The following JARID2 variants were observed in gnomAD, a reference collection of about 807,000 sequenced individuals.
JARID2 encodes the protein protein Jumonji.
In JARID2, 21 loss-of-function variants were observed where a neutral mutation model predicts 125.6. That is an observed-to-expected ratio of 0.17 (90% CI 0.12 to 0.24). JARID2 has a LOEUF of 0.24. Among genes scored for constraint, JARID2 ranks in the 10% least tolerant of loss-of-function variants. The pLI, the probability that JARID2 is intolerant of heterozygous loss-of-function variation, is 1.00. For missense variants in JARID2, 1,303 were observed against 1,639.6 expected, an observed-to-expected ratio of 0.79 and a Z score of 3.55; for synonymous variants, 736 against 661.6, an observed-to-expected ratio of 1.11 and a Z score of -1.73.
At chr6:15,482,924 C>A (rs1042589846) in intron 5 of JARID2, among the ~76,000 whole-genome samples, 1 of 144,194 alleles carries the variant, frequency 6.9e-6, no homozygotes, top group Non-Finnish European at 1.6e-5. Flanking sequence ...CTTGTTAGCA[C>A]CTTTGGTAAT....
Position 15,496,747 on chromosome 6 carries a change from A to C in JARID2, c.1522A>C (p.Thr508Pro), listed in dbSNP as rs1364960202. 1.2e-6 allele frequency: 2 copies of C among 1,613,686 alleles called. No homozygotes were observed. Among genetic ancestry groups the C allele is most frequent in the Admixed American group, 1.7e-5 (1 of 60,010 alleles). The change falls in exon 7 of 18, where the codon ACG becomes CCG. Residue 508 changes from threonine (T) to proline (P), a missense_variant. This residue lies in a region of JARID2 where 651 missense variants were observed against 581.6 expected (regional missense o/e 1.12). Transcript: ENST00000341776. ...GAAGCGGGCCACGGCCGGGAAGAGC[A>C]CGCCAGGCAGACAAGCACATGGCAA... is the stretch of plus-strand genomic sequence containing the variant. Reference protein sequence around the residue: ...RPKRATAGKSTPGRQAHGKAD... With the variant: ...RPKRATAGKSPPGRQAHGKAD...
rs73726560 is a variant in JARID2, at chr6:15,356,217, A to T, written c.46-17900A>T. ...TTCATTTATTCATCATTTGATGGAC[A>T]GTTGGGTTGTTTATACTTTTTGGAT... is the stretch of plus-strand genomic sequence containing the variant. On this transcript the variant is annotated intron_variant, in intron 1 of 17. Coordinates refer to ENST00000341776, the MANE Select transcript of JARID2 (RefSeq NM_004973.4). Among the ~76,000 whole-genome samples the T allele has an allele frequency of 7.3e-3, 1,110 of 152,242 alleles. 15 individuals carry two copies. Among genetic ancestry groups the T allele is most frequent in the African/African-American group, 0.026 (1,065 of 41,518 alleles).
rs537478367 is a variant in JARID2 at position 15,482,094 on chromosome 6, C to T, written c.671-5213C>T. On this transcript the variant is annotated intron_variant, in intron 5 of 17. Transcript: ENST00000341776. ...CTGTTTTTTTCAGATAAGAAAGATACTGCTGACTAACCACAGTCACACTCT... is the reference window on the plus strand; with the variant it reads ...CTGTTTTTTTCAGATAAGAAAGATATTGCTGACTAACCACAGTCACACTCT... Among the ~76,000 whole-genome samples the T allele has an allele frequency of 3.3e-5, 5 of 152,292 alleles. No homozygotes were observed. In the East Asian group the frequency reaches 7.7e-4, roughly 23 times the overall value.
intron 1 of JARID2, among the ~76,000 whole-genome samples, chr6:15,322,077 G>A (rs558761402): frequency 2.9e-4 from 44 of 152,106 alleles, no homozygotes; most frequent in Non-Finnish European, 5.9e-4. Context: ...GAGCTACCGC[G>A]CCCGGCCTGG....
At chr6:15,452,885 A>C (rs533700874) in intron 4 of JARID2, among the ~76,000 whole-genome samples, 1 of 152,348 alleles carries the variant, frequency 6.6e-6, no homozygotes, top group East Asian at 1.9e-4. Context: ...GAAGTCCTGA[A>C]TGCAGAGAGT....
intron 16 of JARID2, among the ~76,000 whole-genome samples, chr6:15,515,957 C>A (rs191406697): frequency 1.3e-5 from 2 of 148,330 alleles, no homozygotes; most frequent in East Asian, 2.0e-4. Flanking sequence ...GAGCCGAGAT[C>A]GCGCCATCGC....
In JARID2 at chr6:15,263,954, G is replaced by T. The variant is rs538378635; in HGVS notation, c.45+17370G>T. Among the ~76,000 whole-genome samples, 8 of 152,128 alleles carry T rather than the reference G, an allele frequency of 5.3e-5. No individual in the cohort carries two copies. In the South Asian group the frequency reaches 1.4e-3, roughly 28 times the overall value. ...GTTACCCAAACTGGAGTGCCGTGACGTGAACGCAGCTCACTGCAGCCTTAA... is the reference window on the plus strand; with the variant it reads ...GTTACCCAAACTGGAGTGCCGTGACTTGAACGCAGCTCACTGCAGCCTTAA... On this transcript the variant is annotated intron_variant, in intron 1 of 17. Coordinates refer to ENST00000341776, the MANE Select transcript of JARID2 (RefSeq NM_004973.4).
intron 3 of JARID2, among the ~76,000 whole-genome samples, chr6:15,427,951 A>T (rs1489320668): frequency 1.3e-5 from 2 of 152,086 alleles, no homozygotes; most frequent in African/African-American, 4.8e-5. Context: ...GTGCAATTGC[A>T]AGTAGTGCAC....
intron 1 of JARID2, among the ~76,000 whole-genome samples, chr6:15,296,377 A>G (rs891045269): frequency 3.9e-5 from 6 of 152,090 alleles, no homozygotes; most frequent in African/African-American, 7.2e-5. Context: ...TCCTGGTGGC[A>G]TTTATCTTCC....
chr6:15,466,034 C>T (rs1335345116), intron 4 of JARID2, among the ~76,000 whole-genome samples: 1 of 152,020 alleles, frequency 6.6e-6, no homozygotes, highest in Non-Finnish European at 1.5e-5. Flanking sequence ...GAACTCCTGA[C>T]CTCAGGTGCA....
chr6:15,376,463 C>A (rs1476280414), intron 2 of JARID2, among the ~76,000 whole-genome samples: 1 of 152,126 alleles, frequency 6.6e-6, no homozygotes, highest in East Asian at 1.9e-4. Flanking sequence ...TGCCTGTAAT[C>A]CCAGCACCTT....
chr6:15,273,851 T>C (rs1384014067), intron 1 of JARID2, among the ~76,000 whole-genome samples: 1 of 152,100 alleles, frequency 6.6e-6, no homozygotes, highest in Non-Finnish European at 1.5e-5. Flanking sequence ...TTGGTGTCAT[T>C]CTTGGGGATA....
intron 1 of JARID2, chr6:15,248,205 C>G: frequency 1.8e-6 from 1 of 555,584 alleles, no homozygotes. Flanking sequence ...CCGACGTCCT[C>G]GAGCCGGCTG....
intron 4 of JARID2, among the ~76,000 whole-genome samples, chr6:15,456,680 C>T (rs181629070): frequency 1.3e-5 from 2 of 151,986 alleles, no homozygotes; most frequent in East Asian, 3.9e-4. Flanking sequence ...CTTCATGACC[C>T]TGAAAATCTG....
intron 2 of JARID2, among the ~76,000 whole-genome samples, chr6:15,407,222 C>T (rs1765686484): frequency 6.6e-6 from 1 of 152,058 alleles, no homozygotes. Context: ...GAGCATGTCA[C>T]CGCACTCTAG....
chr6:15,301,263 T>C (rs973421259), intron 1 of JARID2, among the ~76,000 whole-genome samples: 2 of 152,328 alleles, frequency 1.3e-5, no homozygotes, highest in East Asian at 1.9e-4. Flanking sequence ...AATTTTTTTC[T>C]TTTTTCACAG....
In JARID2 at chr6:15,367,123, T is replaced by G. The variant is rs116354331; in HGVS notation, c.46-6994T>G. On this transcript the variant is annotated intron_variant, in intron 1 of 17. Coordinates refer to ENST00000341776, the MANE Select transcript of JARID2 (RefSeq NM_004973.4). The stretch of plus-strand genomic sequence containing the variant: ...CAGTGCCCTTGATTTGGGTAATAAA[T>G]GACTTGACCACTCTACCTGTGAAGC... Among the ~76,000 whole-genome samples, 511 of 152,308 alleles carry G rather than the reference T, an allele frequency of 3.4e-3. 2 individuals are homozygous for G. The highest frequency in any genetic ancestry group is 0.012 in the African/African-American group (491 of 41,554).
At chr6:15,518,204 T>G (rs1561922299) in intron 17 of JARID2, among the ~76,000 whole-genome samples, 2 of 152,226 alleles carry the variant, frequency 1.3e-5, no homozygotes, top group Non-Finnish European at 2.9e-5. Flanking sequence ...AGCATGGCTC[T>G]GGCACCTTGT....
At chr6:15,338,213 C>G (rs1258247733) in intron 1 of JARID2, among the ~76,000 whole-genome samples, 1 of 152,140 alleles carries the variant, frequency 6.6e-6, no homozygotes, top group Non-Finnish European at 1.5e-5. Context: ...CTGTCACAGC[C>G]TGAGTTTTCG....
Sources: allele counts gnomAD v4.1 joint callset (sites outside exome capture counted in the v4.1 genomes callset), GRCh38; gene constraint gnomAD v4.1.1; regional missense constraint gnomAD v4.1.1; transcripts MANE v1.5; gene names NCBI Gene and HGNC (gene_info 2026-07-23, HGNC 2026-07-21).